DNAH2: variants seen among roughly 807,000 people sequenced by gnomAD.
DNAH2 encodes the protein axonemal beta dynein heavy chain 2.
DNAH2 carries 323 observed loss-of-function variants against 523.5 expected under a neutral mutation model. That is an observed-to-expected ratio of 0.62 (90% confidence interval 0.56 to 0.68). DNAH2 has a LOEUF of 0.68. Ranked by LOEUF, DNAH2 falls within the 30% of genes least tolerant of loss-of-function variation. The pLI, the probability that DNAH2 is intolerant of heterozygous loss-of-function variation, is 0.00. For synonymous variants in DNAH2, 2,093 were observed against 2,177.4 expected, an observed-to-expected ratio of 0.96 and a Z score of 1.08; for missense variants, 4,907 against 5,701.5, an observed-to-expected ratio of 0.86 and a Z score of 4.49.
intron 4 of DNAH2, among the ~76,000 whole-genome samples, chr17:7,732,182 C>T (rs562520727): frequency 1.3e-5 from 2 of 151,716 alleles, no homozygotes; most frequent in Non-Finnish European, 2.9e-5. Context: ...CGCTTGTAAT[C>T]CCAGCGCTTT....
chr17:7,728,682 T>G (rs1040117972), intron 4 of DNAH2, among the ~76,000 whole-genome samples: 1 of 152,190 alleles, frequency 6.6e-6, no homozygotes, highest in African/African-American at 2.4e-5. Context: ...CTTAATATCA[T>G]AAAGATCATT....
intron 12 of DNAH2, among the ~76,000 whole-genome samples, chr17:7,753,631 TG>T (rs1224919316): frequency 7.9e-5 from 12 of 151,970 alleles, no homozygotes; most frequent in Non-Finnish European, 1.6e-4. Context: ...TTGAAGAAAG[TG>T]GGGTGTAGTC....
At position 7,770,328 on chromosome 17, in the gene DNAH2, G is replaced by A. The variant is rs762055632; in HGVS notation, c.4018G>A (p.Val1340Met). The A allele has an allele frequency of 6.2e-7, 1 of 1,614,084 alleles. No homozygotes were observed. The highest frequency in any genetic ancestry group is 8.5e-7 in the Non-Finnish European group (1 of 1,180,008). The change falls in exon 25 of 86, where the codon GTG becomes ATG. Residue 1340 changes from valine (V) to methionine (M), a missense_variant. Coordinates refer to ENST00000572933, the MANE Select transcript of DNAH2 (RefSeq NM_020877.5). ...TGAAAGCTTCACCTTGGAGCAGATT[G>A]TGGAGCTTGGGATGGATCAGCATGT... ...ESESFTLEQIVELGMDQHVEK... is the reference protein window; with the variant it reads ...ESESFTLEQIMELGMDQHVEK...
At position 7,818,988 on chromosome 17, in the gene DNAH2, G is replaced by C. The variant is rs765551577; in HGVS notation, c.10740G>C (p.Lys3580Asn). Residue 3580 changes from lysine to asparagine, a missense_variant, in exon 71 of 86, where the codon AAG becomes AAC. Lys to Asn is a moderately conservative substitution (Grantham distance 94). This residue lies in a region of DNAH2 where 1,851 missense variants were observed against 2,139.4 expected (regional missense o/e 0.87). Transcript: ENST00000572933. The part of the protein sequence containing the change: ...VQLVNTLHTS[K>N]ITATEVTEQL... ...TGGTGAACACGCTGCATACCTCCAA[G>C]ATCACAGCCACAGAGGTGACTGAGC... The C allele has an allele frequency of 6.2e-7, 1 of 1,611,500 alleles. No homozygotes were observed. Among genetic ancestry groups the C allele is most frequent in the Non-Finnish European group, 8.5e-7 (1 of 1,179,984 alleles).
At position 7,798,359 on chromosome 17, in the gene DNAH2, G is replaced by A; in HGVS notation, c.8398+35G>A. 6.3e-7 allele frequency: 1 copy of A among 1,588,080 alleles called. No homozygotes were observed. The highest frequency in any genetic ancestry group is 1.1e-5 in the South Asian group (1 of 87,434). ...GGTTTCTGAAATGCTAGGAATAAAAGATCAGATGCATACATTCCTGCAGTG... is the reference window on the plus strand; with the variant it reads ...GGTTTCTGAAATGCTAGGAATAAAAAATCAGATGCATACATTCCTGCAGTG... On this transcript the variant is annotated intron_variant, in intron 54 of 85. Coordinates refer to ENST00000572933, the MANE Select transcript of DNAH2 (RefSeq NM_020877.5). This position sits in a 1 kb window ranked among gnomAD's most constrained non-coding sequence, Gnocchi z 5.5.
intron 12 of DNAH2, among the ~76,000 whole-genome samples, chr17:7,748,794 C>G (rs1020935123): frequency 6.6e-6 from 1 of 151,856 alleles, no homozygotes; most frequent in African/African-American, 2.4e-5. Context: ...CCTTGCCCAG[C>G]CTCGCCACAC....
chr17:7,737,615 G>A (rs1245987255), intron 8 of DNAH2, among the ~76,000 whole-genome samples: 1 of 152,212 alleles, frequency 6.6e-6, no homozygotes, highest in Non-Finnish European at 1.5e-5. Flanking sequence ...TGCAGTGGGG[G>A]AGAGGGGATT....
chr17:7,830,101 T>C (rs2078127306), intron 77 of DNAH2, among the ~76,000 whole-genome samples, 199 bp from the exon 78 acceptor site: 1 of 149,272 alleles, frequency 6.7e-6, no homozygotes, highest in Admixed American at 6.7e-5. Flanking sequence ...TGCCTATCTG[T>C]GAATTAGAGA....
Position 7,734,189 on chromosome 17 carries a change from G to T in DNAH2, c.635G>T (p.Arg212Leu), listed in dbSNP as rs377587916. 6.3e-7 allele frequency: 1 copy of T among 1,591,886 alleles called. No individual in the cohort carries two copies. Among genetic ancestry groups the T allele is most frequent in the Non-Finnish European group, 8.6e-7 (1 of 1,168,572 alleles). Residue 212 changes from arginine to leucine, a missense_variant, in exon 6 of 86, where the codon CGG becomes CTG. Physicochemically the swap from Arg to Leu is moderately radical, Grantham distance 102. This residue lies in a region of DNAH2 where 2,806 missense variants were observed against 3,190.8 expected (regional missense o/e 0.88). Coordinates refer to ENST00000572933, the MANE Select transcript of DNAH2 (RefSeq NM_020877.5). ...CAAACTTTCCTTTCCTTAGACACTCGGTACAAACTGGAGGGGCACACGGTC... is the reference window on the plus strand; with the variant it reads ...CAAACTTTCCTTTCCTTAGACACTCTGTACAAACTGGAGGGGCACACGGTC... Reference protein sequence around the residue: ...HKFLACLTDTRYKLEGHTVLY... With the variant: ...HKFLACLTDTLYKLEGHTVLY...
chr17:7,808,386 G>T (rs72841410), intron 63 of DNAH2, among the ~76,000 whole-genome samples: 35,955 of 147,654 alleles, frequency 0.24, 5,234 homozygotes, highest in Middle Eastern at 0.38. Flanking sequence ...AAAAAAAAAA[G>T]ATGCATGCAT....
At chr17:7,812,413 T>C (rs1450028078) in intron 63 of DNAH2, among the ~76,000 whole-genome samples, 1 of 151,828 alleles carries the variant, frequency 6.6e-6, no homozygotes, top group Non-Finnish European at 1.5e-5. Context: ...AGCCTAGAAG[T>C]TGGAGATCAG....
At chr17:7,829,187 G>GT (rs2078101526) in intron 77 of DNAH2, among the ~76,000 whole-genome samples, 1 of 152,070 alleles carries the variant, frequency 6.6e-6, no homozygotes, top group Non-Finnish European at 1.5e-5. Context: ...GCTAATTTTT[G>GT]TATTTTTAGT....
rs1367550998 is a variant in DNAH2, at chr17:7,754,079, G to A, written c.1905-3012G>A. Among the ~76,000 whole-genome samples, 3 of 152,078 alleles carry A rather than the reference G, an allele frequency of 2.0e-5. No individual in the cohort carries two copies. The highest frequency in any genetic ancestry group is 2.9e-5 in the Non-Finnish European group (2 of 68,016). ...ATTTGATGGGTGGAGTGGGAGCCAG[G>A]TCTCAGGGATGAGGAGGGAATGGGA... On this transcript the variant is annotated intron_variant, in intron 12 of 85. Coordinates refer to ENST00000572933, the MANE Select transcript of DNAH2 (RefSeq NM_020877.5). This position sits in a 1 kb window ranked among gnomAD's most constrained non-coding sequence, Gnocchi z 4.6.
chr17:7,766,192 C>A, intron 21 of DNAH2, 126 bp from the exon 22 acceptor site: 1 of 1,027,158 alleles, frequency 9.7e-7, no homozygotes, highest in Non-Finnish European at 1.4e-6. Context: ...TTCCCTCTTA[C>A]TCTCCTTCCC....
Position 7,760,071 on chromosome 17 carries a change from G to T in DNAH2, c.2785+133G>T, listed in dbSNP as rs1442156080. ...CCTCCCTGACCTGGGGAAAACTCAG[G>T]TCAAGGGGCCAGATCGGCTGGCACA... is the stretch of plus-strand genomic sequence containing the variant. On this transcript the variant is annotated intron_variant, in intron 17 of 85. Transcript: ENST00000572933. This position sits in a 1 kb window ranked among gnomAD's most constrained non-coding sequence, Gnocchi z 4.0. The T allele has an allele frequency of 7.2e-6, 10 of 1,380,950 alleles. No homozygotes were observed. Among genetic ancestry groups the T allele is most frequent in the Non-Finnish European group, 9.0e-6 (9 of 996,336 alleles). The allele number at this position is 1,380,950 out of a possible 1,614,324, so 85.5% of individuals were successfully genotyped here.
At chr17:7,787,183 C>T (rs1356671492) in intron 42 of DNAH2, 150 bp downstream of exon 42, 3 of 992,706 alleles carry the variant, frequency 3.0e-6, no homozygotes, top group Middle Eastern at 3.3e-4. Flanking sequence ...GGGAAACCTG[C>T]AGCTGAAGAA....
In DNAH2 at chr17:7,830,800, A is replaced by G. The variant is rs770421039; in HGVS notation, c.12188A>G (p.Asn4063Ser). Residue 4063 changes from asparagine (N) to serine (S), a missense_variant, in exon 79 of 86, where the codon AAT becomes AGT. Around this residue, in one of 3 missense-constraint regions of DNAH2, gnomAD observed 1,851 missense variants for 2,139.4 expected, o/e 0.87. Coordinates refer to ENST00000572933, the MANE Select transcript of DNAH2 (RefSeq NM_020877.5). The part of the protein sequence containing the change: ...WDRRLLTTYI[N>S]DYFCDQSLST... The stretch of plus-strand genomic sequence containing the variant: ...CGGCGCCTGCTGACCACCTACATCA[A>G]TGATTATTTCTGTGACCAGTCTCTA... 5 of 1,613,924 alleles carry G rather than the reference A, an allele frequency of 3.1e-6. No homozygotes were observed. The highest frequency in any genetic ancestry group is 3.4e-6 in the Non-Finnish European group (4 of 1,180,022).
chr17:7,805,006 C>T lies in DNAH2; in HGVS notation c.9232C>T (p.Gln3078Ter), dbSNP rs758800740. Reference sequence around the variant, plus strand: ...GATTGCAGTTGAGGAAATCAAGTGTCAGGCACTGGCTGACAATGCCCAGAA... The same window carrying T: ...GATTGCAGTTGAGGAAATCAAGTGTTAGGCACTGGCTGACAATGCCCAGAA... ...EKIAVEEIKCQALADNAQKDL... is the reference protein window; with the variant it reads ...EKIAVEEIKC The change falls in exon 60 of 86, where the codon CAG becomes TAG. Residue 3078 changes from glutamine to a stop codon, truncating the protein, a stop_gained. Coordinates refer to ENST00000572933, the MANE Select transcript of DNAH2 (RefSeq NM_020877.5). LOFTEE classifies it high-confidence loss of function. 22 of 1,614,168 alleles carry T rather than the reference C, an allele frequency of 1.4e-5. No homozygotes were observed. Among genetic ancestry groups the T allele is most frequent in the East Asian group, 2.2e-5 (1 of 44,894 alleles).
intron 36 of DNAH2, among the ~76,000 whole-genome samples, 171 bp downstream of exon 36, chr17:7,779,594 G>A (rs890103480): frequency 2.0e-5 from 3 of 152,202 alleles, no homozygotes; most frequent in Non-Finnish European, 4.4e-5. Context: ...CCGGGAGAAG[G>A]GGAAGCAATC....
Sources: allele counts gnomAD v4.1 joint callset (sites outside exome capture counted in the v4.1 genomes callset), GRCh38; gene constraint gnomAD v4.1.1; regional missense constraint gnomAD v4.1.1; non-coding constraint Gnocchi (gnomAD v3.1); transcripts MANE v1.5; gene names NCBI Gene and HGNC (gene_info 2026-07-23, HGNC 2026-07-21).